The following AK5 variants were observed in gnomAD, a reference collection of about 807,000 sequenced individuals.
AK5 encodes adenylate kinase 5.
Under a neutral mutation model 69.5 loss-of-function variants are expected in AK5, and 27 were observed. The observed-to-expected ratio is 0.39, with a 90% confidence interval of 0.29 to 0.54. AK5 has a LOEUF of 0.54. Ranked by LOEUF, AK5 falls within the 20% of genes least tolerant of loss-of-function variation. The pLI is 0.71. For missense variants in AK5, 531 were observed against 700.4 expected (o/e 0.76, Z 2.73); for synonymous variants, 260 against 244.4 (o/e 1.06, Z -0.60).
intron 10 of AK5, among the ~76,000 whole-genome samples, chr1:77,502,628 A>G (rs1656787657): frequency 6.6e-6 from 1 of 152,202 alleles, no homozygotes; most frequent in South Asian, 2.1e-4. Flanking sequence ...TTAAAAAAAA[A>G]GTTTTGATTT....
rs140633271 is a variant in AK5, at chr1:77,527,522, A to G, written c.1428+5579A>G. ...TGACTGGACAGTTACACTCAATGCT[A>G]AAATTCATGATTCCATTTCAAACAA... On this transcript the variant is annotated intron_variant, in intron 12 of 13. Transcript: ENST00000354567. Among the ~76,000 whole-genome samples, 202 of 152,348 alleles carry G rather than the reference A, an allele frequency of 1.3e-3. 1 individual carries two copies. The highest frequency in any genetic ancestry group is 4.5e-3 in the African/African-American group (187 of 41,584).
At chr1:77,477,953 T>C (rs1655046780) in intron 8 of AK5, among the ~76,000 whole-genome samples, 1 of 152,206 alleles carries the variant, frequency 6.6e-6, no homozygotes, top group Non-Finnish European at 1.5e-5. Context: ...TCCAAAAGCA[T>C]TTTTAAAAAC....
At chr1:77,306,654 G>A (rs948135007) in intron 5 of AK5, among the ~76,000 whole-genome samples, 18 of 151,580 alleles carry the variant, frequency 1.2e-4, no homozygotes, top group African/African-American at 4.1e-4. Context: ...CTATTTTTTG[G>A]AATGGTTTGA....
intron 10 of AK5, among the ~76,000 whole-genome samples, chr1:77,494,829 T>C (rs1656212727): frequency 6.6e-6 from 1 of 151,824 alleles, no homozygotes; most frequent in African/African-American, 2.4e-5. Flanking sequence ...TTGCCCAGGC[T>C]GGAGTGCAGT....
chr1:77,447,842 A>G (rs1216677869), intron 8 of AK5, among the ~76,000 whole-genome samples: 4 of 152,232 alleles, frequency 2.6e-5, no homozygotes, highest in Non-Finnish European at 2.9e-5. Flanking sequence ...ATTGGGTAGT[A>G]TGCAAAAACC....
intron 2 of AK5, among the ~76,000 whole-genome samples, chr1:77,290,059 G>T (rs1444058901): frequency 6.6e-6 from 1 of 152,046 alleles, no homozygotes; most frequent in Non-Finnish European, 1.5e-5. Flanking sequence ...TTAATTTTAG[G>T]TTCTCCATAC....
chr1:77,480,208 G>A (rs1377757983), intron 8 of AK5, among the ~76,000 whole-genome samples: 3 of 151,886 alleles, frequency 2.0e-5, no homozygotes, highest in Non-Finnish European at 2.9e-5. Context: ...GAACCATGAG[G>A]TTTATTGAGA....
intron 8 of AK5, among the ~76,000 whole-genome samples, chr1:77,441,063 C>T (rs1335375864): frequency 6.6e-6 from 1 of 152,118 alleles, no homozygotes; most frequent in Admixed American, 6.6e-5. Context: ...GTTCTTTGTT[C>T]TGCTTGATAA....
In AK5 at chr1:77,412,204, C is replaced by T. The variant is rs373409634; in HGVS notation, c.982+1133C>T. ...CACCCAGCACTTCGTGGCTCCCTAG[C>T]GGTGTTTCTCCACTAGGGAGCCTTG... On this transcript the variant is annotated intron_variant, in intron 7 of 13. Transcript: ENST00000354567. Among the ~76,000 whole-genome samples, 21 of 152,234 alleles carry T rather than the reference C, an allele frequency of 1.4e-4. No homozygotes were observed. In the East Asian group the frequency reaches 2.3e-3, roughly 17 times the overall value.
chr1:77,362,420 C>T (rs1243931465), intron 6 of AK5, among the ~76,000 whole-genome samples: 5 of 152,012 alleles, frequency 3.3e-5, no homozygotes, highest in Admixed American at 3.3e-4. Flanking sequence ...ATTAAATGAC[C>T]TGGTCATTTA....
intron 6 of AK5, among the ~76,000 whole-genome samples, chr1:77,408,359 T>A (rs1649800580): frequency 6.6e-6 from 1 of 152,218 alleles, no homozygotes; most frequent in Non-Finnish European, 1.5e-5. Context: ...ATTGTAGTTT[T>A]GATTTGCATT....
At chr1:77,417,490 A>C in intron 7 of AK5, 149 bp from the exon 8 acceptor site, 1 of 602,928 alleles carries the variant, frequency 1.7e-6, no homozygotes, top group Non-Finnish European at 2.9e-6. Flanking sequence ...TCTCCAGCAA[A>C]ACATTGTACC....
intron 7 of AK5, among the ~76,000 whole-genome samples, chr1:77,415,841 C>G (rs1264631979): frequency 1.3e-5 from 2 of 152,198 alleles, no homozygotes; most frequent in Non-Finnish European, 2.9e-5. Flanking sequence ...GAGCTACTGG[C>G]TCTGCCTTTG....
chr1:77,490,787 T>C (rs1386231857), intron 10 of AK5, among the ~76,000 whole-genome samples: 2 of 151,974 alleles, frequency 1.3e-5, no homozygotes, highest in Non-Finnish European at 2.9e-5. Context: ...TTTTTCTTTT[T>C]TTTTTTTTTT....
intron 12 of AK5, among the ~76,000 whole-genome samples, chr1:77,532,989 A>G (rs1658734148): frequency 6.6e-6 from 1 of 152,268 alleles, no homozygotes; most frequent in African/African-American, 2.4e-5. Flanking sequence ...TTTGAAAAAA[A>G]TTAGATGGTA....
intron 3 of AK5, among the ~76,000 whole-genome samples, chr1:77,297,017 T>C (rs1443744563): frequency 1.3e-5 from 2 of 152,146 alleles, no homozygotes; most frequent in Non-Finnish European, 2.9e-5. Context: ...TTACATTGCA[T>C]AAAACTCTAG....
At chr1:77,497,282 T>G (rs1010846274) in intron 10 of AK5, among the ~76,000 whole-genome samples, 2 of 151,424 alleles carry the variant, frequency 1.3e-5, no homozygotes, top group Admixed American at 1.3e-4. Context: ...AACAAACAAC[T>G]CTGGATGTGC....
intron 5 of AK5, among the ~76,000 whole-genome samples, chr1:77,306,976 T>C (rs927176970): frequency 6.6e-6 from 1 of 152,080 alleles, no homozygotes; most frequent in African/African-American, 2.4e-5. Context: ...GGATCTTGTC[T>C]CTTTTTTTTC....
intron 6 of AK5, among the ~76,000 whole-genome samples, chr1:77,367,770 GT>G (rs1647007676): frequency 3.8e-4 from 2 of 5,288 alleles, no homozygotes; most frequent in African/African-American, 1.5e-3. Flanking sequence ...TATAATATAT[GT>G]TATATATAAT....
Sources: allele counts gnomAD v4.1 joint callset (sites outside exome capture counted in the v4.1 genomes callset), GRCh38; gene constraint gnomAD v4.1.1; transcripts MANE v1.5; gene names NCBI Gene and HGNC (gene_info 2026-07-23, HGNC 2026-07-21).